SUMF1: variants seen among roughly 807,000 people sequenced by gnomAD.
SUMF1 encodes sulfatase modifying factor 1.
In SUMF1, 48 loss-of-function variants were observed where a neutral mutation model predicts 47.6. The ratio of observed to expected loss-of-function variants is 1.01; its 90% CI spans 0.80 to 1.28. SUMF1 has a LOEUF of 1.28. Among genes scored for constraint, SUMF1 ranks in the 50% most tolerant of loss-of-function variants. The pLI, the probability that SUMF1 is intolerant of heterozygous loss-of-function variation, is 0.00. For missense variants in SUMF1, 571 were observed against 485.4 expected (o/e 1.18, Z -1.66); for synonymous variants, 230 against 192.1 (o/e 1.20, Z -1.63).
intron 8 of SUMF1, among the ~76,000 whole-genome samples, chr3:4,363,438 C>A (rs944503905): frequency 6.6e-6 from 1 of 151,944 alleles, no homozygotes; most frequent in Non-Finnish European, 1.5e-5. Flanking sequence ...AGGTCCTTCA[C>A]GTCCCTTGTA....
intron 3 of SUMF1, among the ~76,000 whole-genome samples, chr3:4,429,463 A>G (rs900565008): frequency 5.3e-5 from 8 of 152,200 alleles, no homozygotes; most frequent in African/African-American, 1.7e-4. Context: ...CAAGCTTCTG[A>G]GAAGAGAGGT....
At chr3:4,071,597 G>A (rs1695526973) in intron 8 of SUMF1, among the ~76,000 whole-genome samples, 1 of 152,196 alleles carries the variant, frequency 6.6e-6, no homozygotes, top group Non-Finnish European at 1.5e-5. Flanking sequence ...GAGACGACCT[G>A]GGATGCTGGA....
intron 8 of SUMF1, among the ~76,000 whole-genome samples, chr3:4,123,428 ATGTT>A (rs909412999): frequency 6.6e-6 from 1 of 152,136 alleles, no homozygotes; most frequent in African/African-American, 2.4e-5. Flanking sequence ...TGGCATCCAC[ATGTT>A]TGTTTAGTTT....
chr3:4,279,802 C>T (rs1404442031), intron 8 of SUMF1, among the ~76,000 whole-genome samples: 1 of 152,038 alleles, frequency 6.6e-6, no homozygotes, highest in Non-Finnish European at 1.5e-5. Flanking sequence ...TTAGGGAACC[C>T]ATTTCCTAAA....
intron 8 of SUMF1, among the ~76,000 whole-genome samples, chr3:4,337,644 C>A (rs1377711100): frequency 6.6e-6 from 1 of 152,140 alleles, no homozygotes; most frequent in South Asian, 2.1e-4. Context: ...TCCTAACTTG[C>A]CACTACATCA....
At chr3:4,200,411 G>A (rs1038363864) in intron 8 of SUMF1, among the ~76,000 whole-genome samples, 5 of 152,022 alleles carry the variant, frequency 3.3e-5, no homozygotes, top group African/African-American at 1.2e-4. Context: ...AAAAGGCAGA[G>A]GAATGGTGAA....
At chr3:4,418,665 G>A (rs918769362) in intron 4 of SUMF1, among the ~76,000 whole-genome samples, 3 of 152,148 alleles carry the variant, frequency 2.0e-5, no homozygotes, top group South Asian at 2.1e-4. Context: ...TCCTGCTCTG[G>A]CCCCTGCTTT....
At chr3:4,113,950 A>G (rs980315436) in intron 8 of SUMF1, among the ~76,000 whole-genome samples, 3 of 152,146 alleles carry the variant, frequency 2.0e-5, no homozygotes, top group Non-Finnish European at 4.4e-5. Context: ...CATATCCTAT[A>G]TAGAAGAGAG....
At chr3:4,418,538 C>A (rs908551071) in intron 4 of SUMF1, among the ~76,000 whole-genome samples, 4 of 152,200 alleles carry the variant, frequency 2.6e-5, no homozygotes, top group African/African-American at 9.7e-5. Flanking sequence ...GCATACAGAG[C>A]CAGCCATTTC....
At chr3:4,354,562 C>T (rs533863795) in intron 8 of SUMF1, among the ~76,000 whole-genome samples, 9 of 152,318 alleles carry the variant, frequency 5.9e-5, no homozygotes, top group East Asian at 1.9e-4. Context: ...AGACCGACCG[C>T]GCAGGATCAG....
intron 8 of SUMF1, among the ~76,000 whole-genome samples, chr3:4,189,568 G>C (rs1238000545): frequency 1.3e-5 from 2 of 152,062 alleles, no homozygotes; most frequent in East Asian, 1.9e-4. Context: ...GTTCAGCTAA[G>C]AGACTGCTGA....
intron 8 of SUMF1, among the ~76,000 whole-genome samples, chr3:4,333,410 C>A (rs138713389): frequency 1.1e-3 from 164 of 152,316 alleles, no homozygotes; most frequent in South Asian, 2.3e-3. Context: ...CTCACTCTCC[C>A]GCCTCATCGG....
intron 8 of SUMF1, among the ~76,000 whole-genome samples, chr3:4,143,309 T>C (rs1047310928): frequency 2.6e-5 from 4 of 152,118 alleles, no homozygotes; most frequent in East Asian, 3.9e-4. Flanking sequence ...TTTCTCCCCA[T>C]TGTGTACCAG....
At chr3:4,376,794 T>C (rs1700343943) in intron 7 of SUMF1, among the ~76,000 whole-genome samples, 1 of 152,194 alleles carries the variant, frequency 6.6e-6, no homozygotes, top group Admixed American at 6.5e-5. Flanking sequence ...ATGGTATTTT[T>C]TGAAACAAAA....
intron 8 of SUMF1, among the ~76,000 whole-genome samples, chr3:4,209,389 T>G (rs1695730428): frequency 6.6e-6 from 1 of 152,196 alleles, no homozygotes; most frequent in African/African-American, 2.4e-5. Flanking sequence ...ACCTGGTAGT[T>G]GAACCTTAAT....
At chr3:4,305,138 AGT>A (rs1274100860) in intron 8 of SUMF1, among the ~76,000 whole-genome samples, 3 of 152,092 alleles carry the variant, frequency 2.0e-5, no homozygotes, top group African/African-American at 7.2e-5. Context: ...CCCAGGCTAG[AGT>A]GTGGTGGTGC....
At chr3:4,217,768 C>G (rs1332587347) in intron 8 of SUMF1, among the ~76,000 whole-genome samples, 1 of 148,264 alleles carries the variant, frequency 6.7e-6, no homozygotes, top group African/African-American at 2.5e-5. Context: ...TTTTTTAAAA[C>G]ACAAGAAAAG....
intron 8 of SUMF1, among the ~76,000 whole-genome samples, chr3:4,108,399 G>C (rs1372514919): frequency 6.6e-6 from 1 of 152,126 alleles, no homozygotes; most frequent in Non-Finnish European, 1.5e-5. Context: ...TGTATATTCT[G>C]TTGATTTGGG....
chr3:4,077,771 G>A (rs535045965), intron 8 of SUMF1, among the ~76,000 whole-genome samples: 18 of 152,004 alleles, frequency 1.2e-4, no homozygotes, highest in Admixed American at 2.6e-4. Context: ...AAACCTGCAC[G>A]TTGTGCACAT....
Sources: allele counts gnomAD v4.1 joint callset (sites outside exome capture counted in the v4.1 genomes callset), GRCh38; gene constraint gnomAD v4.1.1; transcripts MANE v1.5; gene names NCBI Gene and HGNC (gene_info 2026-07-23, HGNC 2026-07-21).